The following RPS6KC1 variants were observed in gnomAD, a reference collection of about 807,000 sequenced individuals.
RPS6KC1 encodes inactive ribosomal protein S6 kinase delta-1.
A neutral mutation model predicts 103.8 loss-of-function variants in RPS6KC1; 54 were observed. The observed-to-expected ratio is 0.52, with a 90% CI of 0.42 to 0.65. The LOEUF (loss-of-function observed/expected upper bound fraction) is 0.65, where lower values mean the gene tolerates loss of function less well. Ranked by LOEUF, RPS6KC1 falls within the 30% of genes least tolerant of loss-of-function variation. RPS6KC1 has a pLI of 0.00. For missense variants in RPS6KC1, 1,151 were observed against 1,253.8 expected (o/e 0.92, Z 1.24); for synonymous variants, 439 against 438.7 (o/e 1.00, Z -0.01).
At chr1:213,707,077 C>G in the RPS6KC1 span, among the ~76,000 whole-genome samples, 1 of 152,088 alleles carries the variant, frequency 6.6e-6, no homozygotes, top group Non-Finnish European at 1.5e-5. Flanking sequence ...AATGGGATTG[C>G]TGGGTCAAAT....
chr1:213,094,092 C>G (rs941808248), intron 3 of RPS6KC1, among the ~76,000 whole-genome samples: 2 of 151,630 alleles, frequency 1.3e-5, no homozygotes, highest in Admixed American at 6.6e-5. Flanking sequence ...TGCTCCCCCC[C>G]CCCACCAAGA....
chr1:213,796,250 C>A, the RPS6KC1 span, among the ~76,000 whole-genome samples: 1 of 152,162 alleles, frequency 6.6e-6, no homozygotes, highest in East Asian at 1.9e-4. Flanking sequence ...AAGTTCACAG[C>A]GGTCCATGAC....
intron 5 of RPS6KC1, among the ~76,000 whole-genome samples, chr1:213,117,742 G>T (rs998766269): frequency 2.0e-5 from 3 of 151,656 alleles, no homozygotes; most frequent in Admixed American, 6.6e-5. Context: ...GCCTTACTTG[G>T]CCAGGCATGG....
At chr1:213,113,257 A>G (rs1290632054) in intron 4 of RPS6KC1, among the ~76,000 whole-genome samples, 6 of 151,754 alleles carry the variant, frequency 4.0e-5, no homozygotes, top group African/African-American at 1.2e-4. Flanking sequence ...TTGCCATTCT[A>G]ACTGGTGTGA....
chr1:213,434,346 C>A, the RPS6KC1 span, among the ~76,000 whole-genome samples: 1 of 152,044 alleles, frequency 6.6e-6, no homozygotes, highest in Non-Finnish European at 1.5e-5. Context: ...CTAGATTACA[C>A]CTTTAAAAAA....
intron 6 of RPS6KC1, among the ~76,000 whole-genome samples, chr1:213,161,936 C>G (rs544199963): frequency 3.3e-5 from 5 of 152,164 alleles, no homozygotes; most frequent in Non-Finnish European, 7.3e-5. Context: ...AGATGTGTGT[C>G]TCATGGCCAG....
At chr1:213,263,980 G>A (rs1297215055) in intron 14 of RPS6KC1, among the ~76,000 whole-genome samples, 1 of 152,034 alleles carries the variant, frequency 6.6e-6, no homozygotes, top group East Asian at 1.9e-4. Context: ...TTGAACAAAG[G>A]CAAGGAAGGA....
downstream of RPS6KC1, among the ~76,000 whole-genome samples, chr1:213,279,236 AG>A (rs1251356738): frequency 6.6e-6 from 1 of 152,206 alleles, no homozygotes; most frequent in Non-Finnish European, 1.5e-5. Context: ...GCAGAAATTC[AG>A]GCAAGAGATA....
the RPS6KC1 span, among the ~76,000 whole-genome samples, chr1:213,783,769 C>G: frequency 8.0e-5 from 10 of 124,600 alleles, no homozygotes; most frequent in South Asian, 2.6e-3. Flanking sequence ...GTAACATACA[C>G]AGTTCTGGGG....
At chr1:213,718,197 G>T in the RPS6KC1 span, among the ~76,000 whole-genome samples, 1 of 152,152 alleles carries the variant, frequency 6.6e-6, no homozygotes, top group African/African-American at 2.4e-5. Flanking sequence ...TTTTGTAAAG[G>T]CCTTTGGAAA....
chr1:213,112,680 C>A (rs1403165968), intron 4 of RPS6KC1, among the ~76,000 whole-genome samples: 1 of 151,916 alleles, frequency 6.6e-6, no homozygotes, highest in African/African-American at 2.4e-5. Context: ...CGTCATCTAG[C>A]ATTAGGTATA....
chr1:213,516,964 A>G, the RPS6KC1 span, among the ~76,000 whole-genome samples: 1 of 152,144 alleles, frequency 6.6e-6, no homozygotes, highest in Non-Finnish European at 1.5e-5. Context: ...GGGAGGGTGT[A>G]TGTGTCAAGG....
chr1:213,717,584 T>G, the RPS6KC1 span, among the ~76,000 whole-genome samples: 1 of 152,156 alleles, frequency 6.6e-6, no homozygotes, highest in East Asian at 1.9e-4. Flanking sequence ...AAAGTTTGAA[T>G]GGTCAAGCAA....
At chr1:213,860,875 C>T in the RPS6KC1 span, among the ~76,000 whole-genome samples, 1 of 151,708 alleles carries the variant, frequency 6.6e-6, no homozygotes, top group Non-Finnish European at 1.5e-5. Context: ...GTGGTTCGAT[C>T]TTCGCTCACT....
At chr1:213,849,953 CCAAT>C in the RPS6KC1 span, among the ~76,000 whole-genome samples, 8 of 151,870 alleles carry the variant, frequency 5.3e-5, no homozygotes, top group Non-Finnish European at 1.0e-4. Context: ...AATTTTATAA[CCAAT>C]CATCTTTCTA....
the RPS6KC1 span, among the ~76,000 whole-genome samples, chr1:213,662,586 A>G: frequency 3.3e-5 from 5 of 152,004 alleles, no homozygotes; most frequent in African/African-American, 9.7e-5. Flanking sequence ...CCCAGAGTTA[A>G]CTTTTCCAAA....
downstream of RPS6KC1, among the ~76,000 whole-genome samples, chr1:213,276,182 G>A (rs2095112130): frequency 6.6e-6 from 1 of 152,176 alleles, no homozygotes; most frequent in Non-Finnish European, 1.5e-5. Flanking sequence ...TTGCCCACAA[G>A]TTTGGAATCC....
At chr1:213,837,048 T>A in the RPS6KC1 span, among the ~76,000 whole-genome samples, 1 of 152,238 alleles carries the variant, frequency 6.6e-6, no homozygotes, top group Admixed American at 6.5e-5. Flanking sequence ...TTTGTTTGTT[T>A]TTTTGTAATG....
the RPS6KC1 span, among the ~76,000 whole-genome samples, chr1:213,593,201 G>A: frequency 6.6e-6 from 1 of 150,766 alleles, no homozygotes; most frequent in South Asian, 2.1e-4. Context: ...CCACTCAGGA[G>A]AGCTTTACAG....
Sources: gnomAD v4.1 joint callset for allele counts (sites outside exome capture counted in the v4.1 genomes callset) on GRCh38, gnomAD v4.1.1 for gene constraint, MANE v1.5 for transcripts, NCBI Gene and HGNC (gene_info 2026-07-23, HGNC 2026-07-21) for gene names.